Variants in PIK3C2G observed in about 807,000 individuals in gnomAD.
PIK3C2G encodes the protein phosphatidylinositol-4-phosphate 3-kinase catalytic subunit type 2 gamma.
A neutral mutation model predicts 181.1 loss-of-function variants in PIK3C2G; 168 were observed. The ratio of observed to expected loss-of-function variants is 0.93; its 90% CI spans 0.82 to 1.05. The LOEUF (loss-of-function observed/expected upper bound fraction) is 1.05, where lower values mean the gene tolerates loss of function less well. PIK3C2G is among the 50% of genes least tolerant of loss of function. PIK3C2G has a pLI of 0.00. For synonymous variants in PIK3C2G, 573 were observed against 592.2 expected (o/e 0.97, Z 0.47); for missense variants, 1,869 against 1,732.8 (o/e 1.08, Z -1.40).
chr12:18,626,305 A>G (rs1430101754), intron 31 of PIK3C2G, among the ~76,000 whole-genome samples: 1 of 151,818 alleles, frequency 6.6e-6, no homozygotes, highest in African/African-American at 2.4e-5. Flanking sequence ...ACAACTCTAT[A>G]CTTTTCTCCT....
At chr12:18,598,964 G>C (rs1947539723) in intron 30 of PIK3C2G, among the ~76,000 whole-genome samples, 1 of 150,618 alleles carries the variant, frequency 6.6e-6, no homozygotes, top group African/African-American at 2.4e-5. Context: ...TCTCACACCA[G>C]TTAGAATGGC....
chr12:18,701,465 A>G, the PIK3C2G span: 2 of 1,612,288 alleles, frequency 1.2e-6, no homozygotes, highest in Non-Finnish European at 1.7e-6. Flanking sequence ...AAAACTTTCC[A>G]ATCACTTGTA....
intron 24 of PIK3C2G, among the ~76,000 whole-genome samples, chr12:18,528,552 G>T (rs974653366): frequency 1.3e-5 from 2 of 152,142 alleles, no homozygotes; most frequent in Admixed American, 6.6e-5. Context: ...ATTTAAGCTT[G>T]CATACTTTTA....
Position 18,267,356 on chromosome 12 carries a change from ATTTCTTAAT to A in PIK3C2G, c.-79+5783_-79+5791del, listed in dbSNP as rs775935808. On this transcript the variant is annotated intron_variant, in intron 1 of 32. Transcript: ENST00000538779. ...TATAGATTATTTAATAGAACACATGATTTCTTAATTTTATAGATCACATATAACTACTGT... is the reference window on the plus strand; with the variant it reads ...TATAGATTATTTAATAGAACACATGATTTATAGATCACATATAACTACTGT... 1.3e-3 allele frequency among the ~76,000 whole-genome samples: 203 copies of A among 152,002 alleles called. 1 individual carries two copies. Among genetic ancestry groups the A allele is most frequent in the Non-Finnish European group, 2.2e-3 (151 of 67,990 alleles).
chr12:18,357,392 T>C lies in PIK3C2G; in HGVS notation c.1626-5372T>C, dbSNP rs948814692. 2.6e-5 allele frequency among the ~76,000 whole-genome samples: 4 copies of C among 152,192 alleles called. No individual in the cohort carries two copies. The South Asian group carries it at 8.3e-4, about 31-fold the overall frequency. On this transcript the variant is annotated intron_variant, in intron 11 of 32. Transcript: ENST00000538779. ...GTTAAAAATATTCAAACACAGTATG[T>C]ACTTTCCAGAACTGCTGCGAAATAT...
intron 24 of PIK3C2G, among the ~76,000 whole-genome samples, chr12:18,531,435 A>G (rs1056675791): frequency 6.6e-6 from 1 of 152,212 alleles, no homozygotes; most frequent in African/African-American, 2.4e-5. Flanking sequence ...AGTTCCTGCA[A>G]CCAGGATACT....
chr12:18,476,141 G>A (rs1031452992), intron 18 of PIK3C2G, among the ~76,000 whole-genome samples: 8 of 152,122 alleles, frequency 5.3e-5, no homozygotes, highest in Admixed American at 3.3e-4. Context: ...ATCCTTACAC[G>A]GGTGGATAAT....
chr12:18,285,116 G>A (rs1205506404), intron 2 of PIK3C2G, among the ~76,000 whole-genome samples: 1 of 151,882 alleles, frequency 6.6e-6, no homozygotes, highest in African/African-American at 2.4e-5. Flanking sequence ...ATTAGGGAAG[G>A]GGGCAAAAAT....
intron 31 of PIK3C2G, among the ~76,000 whole-genome samples, chr12:18,623,293 T>C (rs1472206409): frequency 1.3e-5 from 2 of 151,792 alleles, no homozygotes; most frequent in Admixed American, 6.6e-5. Context: ...CCATTAATTA[T>C]AGAGGCTGTC....
At chr12:18,705,698 T>G in the PIK3C2G span, among the ~76,000 whole-genome samples, 3 of 150,364 alleles carry the variant, frequency 2.0e-5, no homozygotes, top group Admixed American at 1.3e-4. Context: ...AAACCCCATC[T>G]CTACTAAAAT....
At chr12:18,680,261 AGC>A in the PIK3C2G span, among the ~76,000 whole-genome samples, 1 of 152,008 alleles carries the variant, frequency 6.6e-6, no homozygotes, top group Non-Finnish European at 1.5e-5. Flanking sequence ...CAACAGCACA[AGC>A]TTCTTCCTAG....
chr12:18,477,098 G>A (rs756470227), intron 18 of PIK3C2G, among the ~76,000 whole-genome samples: 18 of 151,990 alleles, frequency 1.2e-4, no homozygotes, highest in Non-Finnish European at 2.1e-4. Flanking sequence ...CTCTGTGTGC[G>A]TGTGCTCTCC....
At chr12:18,262,284 T>C (rs1948276484) in intron 1 of PIK3C2G, among the ~76,000 whole-genome samples, 1 of 152,102 alleles carries the variant, frequency 6.6e-6, no homozygotes, top group African/African-American at 2.4e-5. Context: ...AGATAAGATA[T>C]ACCCCATTCT....
intron 31 of PIK3C2G, among the ~76,000 whole-genome samples, chr12:18,633,505 C>A (rs1949447797): frequency 6.6e-6 from 1 of 152,170 alleles, no homozygotes. Flanking sequence ...GGTAGGGTAA[C>A]CCAAACCTTC....
chr12:18,718,965 G>A, the PIK3C2G span, among the ~76,000 whole-genome samples: 2 of 152,108 alleles, frequency 1.3e-5, no homozygotes, highest in African/African-American at 4.8e-5. Flanking sequence ...TAACATACAA[G>A]TCTATAAAAA....
At chr12:18,395,015 TTTTCTTTC>T (rs138033949) in intron 15 of PIK3C2G, among the ~76,000 whole-genome samples, 1 of 148,342 alleles carries the variant, frequency 6.7e-6, no homozygotes, top group Non-Finnish European at 1.5e-5. Flanking sequence ...TCTTTCTTCT[TTTTCTTTC>T]TTTCTTTCTT....
chr12:18,406,715 G>A (rs1944553438), intron 16 of PIK3C2G, among the ~76,000 whole-genome samples: 1 of 152,160 alleles, frequency 6.6e-6, no homozygotes, highest in Non-Finnish European at 1.5e-5. Context: ...ACAAGTGCAA[G>A]CAAGCATTTT....
Position 18,360,700 on chromosome 12 carries a change from G to C in PIK3C2G, c.1626-2064G>C, listed in dbSNP as rs180969134. Among the ~76,000 whole-genome samples the C allele has an allele frequency of 5.9e-5, 9 of 152,176 alleles. No individual in the cohort carries two copies. The East Asian group carries it at 1.7e-3, about 29-fold the overall frequency. On this transcript the variant is annotated intron_variant, in intron 11 of 32. Coordinates refer to ENST00000538779, the MANE Select transcript of PIK3C2G (RefSeq NM_001288772.2). Reference sequence around the variant, plus strand: ...TGAATATATTATTTCTCTCCCTTCTGGCTTACAAAGTTTCTGCTGAAAAAT... The same window carrying C: ...TGAATATATTATTTCTCTCCCTTCTCGCTTACAAAGTTTCTGCTGAAAAAT...
intron 11 of PIK3C2G, among the ~76,000 whole-genome samples, chr12:18,356,615 G>A (rs4592479): frequency 0.11 from 16,026 of 152,090 alleles, 1,187 homozygotes; most frequent in Admixed American, 0.25. Context: ...TGAACAAATT[G>A]AAGATGGTAA....
Sources: gnomAD v4.1 joint callset for allele counts (sites outside exome capture counted in the v4.1 genomes callset) on GRCh38, gnomAD v4.1.1 for gene constraint, MANE v1.5 for transcripts, NCBI Gene and HGNC (gene_info 2026-07-23, HGNC 2026-07-21) for gene names.